SLC25A26: variants seen among roughly 807,000 people sequenced by gnomAD.
SLC25A26 encodes the protein solute carrier family 25 member 26, also known as mitochondrial S-adenosylmethionine carrier protein.
Under a neutral mutation model 37.8 loss-of-function variants are expected in SLC25A26, and 36 were observed. That is an observed-to-expected ratio of 0.95 (90% confidence interval 0.73 to 1.26). SLC25A26 has a LOEUF of 1.26. SLC25A26 is among the 50% of genes most tolerant of loss of function. SLC25A26 has a pLI of 0.00. For synonymous variants in SLC25A26, 129 were observed against 122.5 expected, an observed-to-expected ratio of 1.05 and a Z score of -0.35; for missense variants, 390 against 331.1, an observed-to-expected ratio of 1.18 and a Z score of -1.38.
intron 2 of SLC25A26, among the ~76,000 whole-genome samples, chr3:66,238,748 T>A (rs782124208): frequency 8.6e-5 from 13 of 151,918 alleles, no homozygotes; most frequent in Admixed American, 2.0e-4. Flanking sequence ...AAACGTATAT[T>A]CAGTAAGTGG....
intron 1 of SLC25A26, among the ~76,000 whole-genome samples, chr3:66,199,479 G>T (rs2071083965): frequency 6.6e-6 from 1 of 151,752 alleles, no homozygotes; most frequent in South Asian, 2.1e-4. Context: ...ACTCTTACTT[G>T]TCCCCATTGA....
chr3:66,209,023 C>T (rs1251092556), intron 1 of SLC25A26, among the ~76,000 whole-genome samples: 5 of 85,082 alleles, frequency 5.9e-5, no homozygotes, highest in Admixed American at 2.8e-4. Flanking sequence ...TATATATATA[C>T]ACACCCATAT....
intron 1 of SLC25A26, among the ~76,000 whole-genome samples, chr3:66,155,238 G>T (rs906870676): frequency 6.6e-5 from 10 of 152,204 alleles, no homozygotes; most frequent in Admixed American, 3.3e-4. Flanking sequence ...GGCCGGGCGT[G>T]GTGGCTCATG....
intron 3 of SLC25A26, among the ~76,000 whole-genome samples, chr3:66,252,157 G>A (rs913124697): frequency 1.3e-5 from 2 of 152,206 alleles, no homozygotes; most frequent in African/African-American, 4.8e-5. Context: ...ACTTCCAAGC[G>A]AGCCTGAACT....
intron 3 of SLC25A26, among the ~76,000 whole-genome samples, chr3:66,254,454 G>T (rs1375170024): frequency 6.6e-6 from 1 of 152,216 alleles, no homozygotes; most frequent in African/African-American, 2.4e-5. Context: ...GCCACTTTGA[G>T]TTTGCTCTGG....
intron 5 of SLC25A26, among the ~76,000 whole-genome samples, chr3:66,265,867 A>C (rs9310123): frequency 0.037 from 5,581 of 152,278 alleles, 356 homozygotes; most frequent in African/African-American, 0.13. Flanking sequence ...CCTTACTCAG[A>C]TTTCACCTGG....
chr3:66,307,463 C>G (rs1488249183), intron 5 of SLC25A26, among the ~76,000 whole-genome samples: 1 of 152,132 alleles, frequency 6.6e-6, no homozygotes, highest in African/African-American at 2.4e-5. Context: ...TGCCTGTTCA[C>G]TCTGATGATA....
intron 9 of SLC25A26, among the ~76,000 whole-genome samples, chr3:66,376,650 G>A (rs1227039912): frequency 2.0e-5 from 3 of 152,210 alleles, no homozygotes; most frequent in African/African-American, 7.2e-5. Flanking sequence ...CCTGGGAAAC[G>A]AAGAAATTTG....
chr3:66,194,213 T>C (rs2070999809), intron 1 of SLC25A26, among the ~76,000 whole-genome samples: 1 of 152,194 alleles, frequency 6.6e-6, no homozygotes, highest in Non-Finnish European at 1.5e-5. Flanking sequence ...ACAAATACCT[T>C]TTACAATGAA....
At chr3:66,162,085 G>T (rs1223040304) in intron 1 of SLC25A26, among the ~76,000 whole-genome samples, 1 of 152,062 alleles carries the variant, frequency 6.6e-6, no homozygotes, top group Admixed American at 6.6e-5. Context: ...TCAAGACATT[G>T]GCAGGACTGG....
chr3:66,208,523 C>G (rs1260511305), intron 1 of SLC25A26, among the ~76,000 whole-genome samples: 1 of 151,522 alleles, frequency 6.6e-6, no homozygotes, highest in African/African-American at 2.4e-5. Context: ...AATATAGGAG[C>G]AGGACAACCC....
intron 3 of SLC25A26, 106 bp from the exon 4 acceptor site, chr3:66,261,945 T>G: frequency 1.5e-6 from 1 of 657,070 alleles, no homozygotes; most frequent in African/African-American, 1.9e-5. Flanking sequence ...CATCTTGCAG[T>G]AAGCCTACAT....
intron 5 of SLC25A26, among the ~76,000 whole-genome samples, chr3:66,299,790 C>T (rs1329352168): frequency 1.3e-5 from 2 of 152,116 alleles, no homozygotes. Flanking sequence ...GTTTGTATAA[C>T]TCCTTGAGAA....
intron 1 of SLC25A26, among the ~76,000 whole-genome samples, chr3:66,158,889 A>G (rs1314379942): frequency 2.6e-5 from 4 of 152,106 alleles, no homozygotes; most frequent in Non-Finnish European, 4.4e-5. Flanking sequence ...TCTGCACACA[A>G]GCAGGATGCA....
chr3:66,284,175 T>C (rs962038275), intron 5 of SLC25A26, among the ~76,000 whole-genome samples: 3 of 152,042 alleles, frequency 2.0e-5, no homozygotes, highest in Non-Finnish European at 4.4e-5. Context: ...AGTGAGACCA[T>C]GTTCCTACAA....
chr3:66,349,499 A>G (rs751937444), intron 6 of SLC25A26, among the ~76,000 whole-genome samples: 19 of 151,740 alleles, frequency 1.3e-4, no homozygotes, highest in Non-Finnish European at 2.2e-4. Flanking sequence ...TACTTAATGT[A>G]ATATTTTTGA....
chr3:66,277,108 T>G (rs2074178367), intron 5 of SLC25A26, among the ~76,000 whole-genome samples: 1 of 152,056 alleles, frequency 6.6e-6, no homozygotes, highest in Non-Finnish European at 1.5e-5. Context: ...TTTTAAAACT[T>G]TTACCATGGA....
At chr3:66,230,188 G>GTGAC (rs2071945877) in intron 1 of SLC25A26, among the ~76,000 whole-genome samples, 1 of 1,422 alleles carries the variant, frequency 7.0e-4, no homozygotes, top group African/African-American at 8.2e-3. Flanking sequence ...AGGAAGGCAG[G>GTGAC]TGACTGATCT....
chr3:66,229,555 TGAA>T (rs1173916002), intron 1 of SLC25A26, among the ~76,000 whole-genome samples: 1 of 152,230 alleles, frequency 6.6e-6, no homozygotes, highest in Non-Finnish European at 1.5e-5. Context: ...TGCCGCCCTG[TGAA>T]GAAGGTGCCT....
Sources: allele counts gnomAD v4.1 joint callset (sites outside exome capture counted in the v4.1 genomes callset), GRCh38; gene constraint gnomAD v4.1.1; transcripts MANE v1.5; gene names NCBI Gene and HGNC (gene_info 2026-07-23, HGNC 2026-07-21).